The following CNBD1 variants were observed in gnomAD, a reference collection of about 807,000 sequenced individuals.
CNBD1 encodes the protein cyclic nucleotide binding domain containing 1.
A neutral mutation model predicts 54.4 loss-of-function variants in CNBD1; 71 were observed. The ratio of observed to expected loss-of-function variants is 1.30; its 90% confidence interval spans 1.08 to 1.59. CNBD1 has a LOEUF of 1.59. Ranked by LOEUF, CNBD1 falls within the 40% of genes most tolerant of loss-of-function variation. CNBD1 has a pLI of 0.00. For synonymous variants in CNBD1, 182 were observed against 170.7 expected (o/e 1.07, Z -0.51); for missense variants, 659 against 518.0 (o/e 1.27, Z -2.64).
intron 4 of CNBD1, among the ~76,000 whole-genome samples, chr8:86,954,235 C>T (rs1807701054): frequency 6.6e-6 from 1 of 152,180 alleles, no homozygotes; most frequent in Non-Finnish European, 1.5e-5. Flanking sequence ...TTAATGTCAA[C>T]CCCAATTCTT....
At chr8:87,266,162 A>T (rs548557445) in intron 6 of CNBD1, among the ~76,000 whole-genome samples, 16 of 151,928 alleles carry the variant, frequency 1.1e-4, no homozygotes, top group Admixed American at 9.2e-4. Context: ...CTAATGATTT[A>T]TACATTTCAT....
intron 5 of CNBD1, among the ~76,000 whole-genome samples, chr8:87,231,104 A>G (rs372344417): frequency 1.3e-5 from 2 of 152,176 alleles, no homozygotes; most frequent in Admixed American, 6.5e-5. Context: ...TCTCTTATGA[A>G]CAAGTAACTA....
intron 4 of CNBD1, among the ~76,000 whole-genome samples, chr8:86,978,510 C>T (rs1184167624): frequency 1.5e-5 from 2 of 137,642 alleles, no homozygotes; most frequent in South Asian, 2.5e-4. Context: ...ATGCTTTTTA[C>T]ATTTGTAAAG....
intron 4 of CNBD1, among the ~76,000 whole-genome samples, chr8:87,119,685 C>T (rs1811851661): frequency 6.6e-6 from 1 of 151,908 alleles, no homozygotes; most frequent in African/African-American, 2.4e-5. Flanking sequence ...AATTTCAGTC[C>T]TTTTCCATTA....
intron 6 of CNBD1, among the ~76,000 whole-genome samples, chr8:87,274,775 T>G (rs13274049): frequency 0.58 from 69,326 of 120,230 alleles, 25,108 homozygotes; most frequent in Middle Eastern, 0.67. Flanking sequence ...TTAGTTTAAT[T>G]AGATCCCATT....
chr8:86,986,087 G>A (rs1221724178), intron 4 of CNBD1, among the ~76,000 whole-genome samples: 4 of 151,838 alleles, frequency 2.6e-5, no homozygotes, highest in Non-Finnish European at 5.9e-5. Flanking sequence ...ACACCATCAC[G>A]TCCATCTAAT....
At chr8:86,953,816 A>G (rs183198026) in intron 4 of CNBD1, among the ~76,000 whole-genome samples, 1,925 of 151,850 alleles carry the variant, frequency 0.013, 30 homozygotes, top group African/African-American at 0.037. Flanking sequence ...GCAGTGAGCC[A>G]AGATCGTGCT....
At chr8:87,285,996 C>T (rs11781177) in intron 7 of CNBD1, among the ~76,000 whole-genome samples, 42,833 of 152,102 alleles carry the variant, frequency 0.28, 6,496 homozygotes, top group African/African-American at 0.39. Flanking sequence ...AGCCATGGTT[C>T]AGTGCTCATG....
chr8:87,130,514 C>T (rs772992294), intron 4 of CNBD1, among the ~76,000 whole-genome samples: 2 of 152,034 alleles, frequency 1.3e-5, no homozygotes, highest in Non-Finnish European at 2.9e-5. Context: ...TGGTGGTTCA[C>T]ACCTCTAATT....
intron 3 of CNBD1, among the ~76,000 whole-genome samples, chr8:86,929,889 A>G (rs1809427694): frequency 6.6e-6 from 1 of 152,218 alleles, no homozygotes; most frequent in Non-Finnish European, 1.5e-5. Context: ...TAGGTATGCA[A>G]CTGGCTGTGA....
At chr8:87,277,950 T>C (rs1174296475) in intron 6 of CNBD1, among the ~76,000 whole-genome samples, 1 of 151,610 alleles carries the variant, frequency 6.6e-6, no homozygotes, top group Non-Finnish European at 1.5e-5. Context: ...AATAATAATA[T>C]TTCCAAGATC....
intron 6 of CNBD1, among the ~76,000 whole-genome samples, chr8:87,278,642 CA>C (rs1808530946): frequency 6.6e-6 from 1 of 151,396 alleles, no homozygotes; most frequent in Non-Finnish European, 1.5e-5. Flanking sequence ...AGCAAAGTTA[CA>C]GTAAAAGGGA....
chr8:87,239,275 A>G (rs764427759), intron 6 of CNBD1, among the ~76,000 whole-genome samples: 1 of 152,184 alleles, frequency 6.6e-6, no homozygotes, highest in Non-Finnish European at 1.5e-5. Flanking sequence ...TCACATTGCT[A>G]AAAATTTAAA....
chr8:86,954,723 A>T (rs1212637180), intron 4 of CNBD1, among the ~76,000 whole-genome samples: 1 of 152,202 alleles, frequency 6.6e-6, no homozygotes, highest in Non-Finnish European at 1.5e-5. Flanking sequence ...AAGTTATTTT[A>T]GTTACATACT....
intron 5 of CNBD1, among the ~76,000 whole-genome samples, chr8:87,207,825 G>A (rs767427859): frequency 1.3e-5 from 2 of 151,916 alleles, no homozygotes; most frequent in Admixed American, 6.6e-5. Context: ...ATTTCAATAG[G>A]GTGTACTTTC....
At chr8:87,420,854 C>A (rs1807921353) in intron 2 of CNBD1, among the ~76,000 whole-genome samples, 1 of 150,694 alleles carries the variant, frequency 6.6e-6, no homozygotes, top group Non-Finnish European at 1.5e-5. Context: ...CTTAACAATA[C>A]AATAGAATTA....
At chr8:86,915,319 G>A (rs1218327276) in intron 3 of CNBD1, among the ~76,000 whole-genome samples, 1 of 152,166 alleles carries the variant, frequency 6.6e-6, no homozygotes, top group Non-Finnish European at 1.5e-5. Context: ...CTACAATAGT[G>A]ATGTTACCTT....
chr8:87,119,991 G>T (rs2130714440), intron 4 of CNBD1, among the ~76,000 whole-genome samples: 1 of 152,042 alleles, frequency 6.6e-6, no homozygotes, highest in Admixed American at 6.6e-5. Flanking sequence ...ATTTTGTTGA[G>T]AATCTTTGTG....
intron 8 of CNBD1, among the ~76,000 whole-genome samples, chr8:87,333,548 C>T (rs528604512): frequency 6.6e-5 from 10 of 152,080 alleles, no homozygotes; most frequent in Non-Finnish European, 1.3e-4. Context: ...AGATATGTTC[C>T]ATCAATACCT....
Sources: allele counts gnomAD v4.1 joint callset (sites outside exome capture counted in the v4.1 genomes callset), GRCh38; gene constraint gnomAD v4.1.1; transcripts MANE v1.5; gene names NCBI Gene and HGNC (gene_info 2026-07-23, HGNC 2026-07-21).